DPPA4: variants seen among roughly 807,000 people sequenced by gnomAD.
The protein encoded by DPPA4 is developmental pluripotency associated 4.
DPPA4 carries 22 observed loss-of-function variants against 33.7 expected under a neutral mutation model. The observed-to-expected ratio is 0.65, with a 90% CI of 0.47 to 0.93. DPPA4 has a LOEUF of 0.93. Ranked by LOEUF, DPPA4 falls within the 40% of genes least tolerant of loss-of-function variation. The pLI, the probability that DPPA4 is intolerant of heterozygous loss-of-function variation, is 0.00. For synonymous variants in DPPA4, 156 were observed against 132.3 expected, an observed-to-expected ratio of 1.18 and a Z score of -1.23; for missense variants, 340 against 358.6, an observed-to-expected ratio of 0.95 and a Z score of 0.42.
intron 5 of DPPA4, 170 bp downstream of exon 5, chr3:109,330,354 A>AATAAATGC (rs1708040026): frequency 1.6e-6 from 1 of 631,096 alleles, no homozygotes; most frequent in Non-Finnish European, 2.7e-6. Flanking sequence ...AAGAAATGCA[A>AATAAATGC]ATAAATGCTC....
At chr3:109,328,631 TAC>T (rs1278349949) in intron 6 of DPPA4, among the ~76,000 whole-genome samples, 2 of 152,136 alleles carry the variant, frequency 1.3e-5, no homozygotes, top group Non-Finnish European at 2.9e-5. Context: ...GTGTAGAGCA[TAC>T]ACTTTGAATA....
upstream of DPPA4, among the ~76,000 whole-genome samples, chr3:109,338,361 C>T (rs1263462202): frequency 2.6e-5 from 4 of 152,150 alleles, no homozygotes; most frequent in Admixed American, 6.6e-5. Context: ...AACCCCTAAC[C>T]TACTGACTCC....
Position 109,330,306 on chromosome 3 carries a change from A to C in DPPA4, c.679+218T>G. ...AACAAGGGAGAAACTGTCTCAAAAA[A>C]AAAAAAAAAAAAAAAAAAAAAAAAA... On this transcript the variant is annotated intron_variant, in intron 5 of 6. Transcript: ENST00000335658. 1.5e-4 allele frequency: 3 copies of C among 20,212 alleles called. No homozygotes were observed. The South Asian group carries it at 5.1e-3, about 34-fold the overall frequency. The allele number at this position is 20,212 out of a possible 1,614,324, so 1.3% of individuals were successfully genotyped here. A position where few individuals can be genotyped will look rare whatever the true frequency, so the allele number is the denominator to read the frequency against.
Position 109,326,964 on chromosome 3 carries a change from A to T in DPPA4, c.*1024T>A, listed in dbSNP as rs1428823093. 1 of 152,186 alleles carries T rather than the reference A, an allele frequency of 6.6e-6. No homozygotes were observed. The highest frequency in any genetic ancestry group is 1.5e-5 in the Non-Finnish European group (1 of 68,026). The allele number at this position is 152,186 out of a possible 1,614,324, so 9.4% of individuals were successfully genotyped here. On this transcript the variant is annotated 3_prime_UTR_variant, in exon 7 of 7. Coordinates refer to ENST00000335658, the MANE Select transcript of DPPA4 (RefSeq NM_018189.4). ...ATGAATTATTTTACATACACATCTTATTTTTATTTATGGAGAATCGGTTAA... is the reference window on the plus strand; with the variant it reads ...ATGAATTATTTTACATACACATCTTTTTTTTATTTATGGAGAATCGGTTAA...
rs71129042 is a variant in DPPA4, at chr3:109,330,300, C to CAAAAA, written c.679+219_679+223dup. ...CTGGGCAACAAGGGAGAAACTGTCTCAAAAAAAAAAAAAAAAAAAAAAAAA... is the reference window on the plus strand; with the variant it reads ...CTGGGCAACAAGGGAGAAACTGTCTCAAAAAAAAAAAAAAAAAAAAAAAAAAAAAA... On this transcript the variant is annotated intron_variant, in intron 5 of 6. Transcript: ENST00000335658. The CAAAAA allele has an allele frequency of 1.1e-3, 377 of 348,642 alleles. 1 individual carries two copies. Among genetic ancestry groups the CAAAAA allele is most frequent in the African/African-American group, 4.0e-3 (117 of 29,064 alleles). The allele number at this position is 348,642 out of a possible 1,614,324, so 21.6% of individuals were successfully genotyped here.
rs1277890107 is a variant in DPPA4, at chr3:109,326,585, C to T, written c.*1403G>A. ...ATTTTTAGTATCTTCATTAAACGGG[C>T]AAAAAAAAAGATCCCCTACTTGTAA... is the stretch of plus-strand genomic sequence containing the variant. On this transcript the variant is annotated 3_prime_UTR_variant, in exon 7 of 7. Transcript: ENST00000335658. 6.7e-6 allele frequency: 1 copy of T among 149,134 alleles called. No individual in the cohort carries two copies. Among genetic ancestry groups the T allele is most frequent in the African/African-American group, 2.5e-5 (1 of 40,738 alleles). 9.2% of individuals were successfully genotyped at this position (149,134 alleles called of 1,614,324 possible).
intron 1 of DPPA4, among the ~76,000 whole-genome samples, chr3:109,335,710 G>T (rs1009668653): frequency 2.6e-5 from 4 of 151,984 alleles, no homozygotes; most frequent in African/African-American, 9.7e-5. Context: ...GATTACAGGC[G>T]TGTGCCACTG....
chr3:109,331,815 CAAAT>C, intron 3 of DPPA4, 31 bp from the exon 4 acceptor site: 1 of 1,613,570 alleles, frequency 6.2e-7, no homozygotes, highest in Non-Finnish European at 8.5e-7. Flanking sequence ...GTTAGTAAGG[CAAAT>C]AAGGTTCCTA....
intron 3 of DPPA4, 26 bp from the exon 4 acceptor site, chr3:109,331,810 T>A: frequency 6.2e-7 from 1 of 1,613,586 alleles, no homozygotes; most frequent in African/African-American, 1.3e-5. Flanking sequence ...ACTGAGTTAG[T>A]AAGGCAAATA....
chr3:109,333,116 C>T lies in DPPA4; in HGVS notation c.178+754G>A, dbSNP rs116781916. Among the ~76,000 whole-genome samples, 980 of 152,094 alleles carry T rather than the reference C, an allele frequency of 6.4e-3. 10 individuals carry two copies. The highest frequency in any genetic ancestry group is 0.022 in the African/African-American group (897 of 41,478). On this transcript the variant is annotated intron_variant, in intron 2 of 6. Transcript: ENST00000335658. ...CAGCACTTTAGGAGGCCAAGGCAGA[C>T]GATCACTTGAGGCCAAGAGTTTGCA...
intron 4 of DPPA4, 65 bp from the exon 5 acceptor site, chr3:109,330,877 G>A: frequency 6.9e-7 from 1 of 1,457,678 alleles, no homozygotes; most frequent in Non-Finnish European, 9.2e-7. Flanking sequence ...AATGGCCTAA[G>A]GAGCTCTTGA....
rs142788250 is a variant in DPPA4, at chr3:109,332,585, G to A, written c.179-554C>T. Among the ~76,000 whole-genome samples the A allele has an allele frequency of 2.1e-3, 318 of 152,198 alleles. 2 individuals carry two copies. Among genetic ancestry groups the A allele is most frequent in the African/African-American group, 6.8e-3 (282 of 41,500 alleles). ...CTTCCATCCCAGGGGAATTACCGCT[G>A]TCTTAGACTTGAGATCATACTCAGT... is the stretch of plus-strand genomic sequence containing the variant. On this transcript the variant is annotated intron_variant, in intron 2 of 6. Coordinates refer to ENST00000335658, the MANE Select transcript of DPPA4 (RefSeq NM_018189.4).
upstream of DPPA4, chr3:109,337,676 T>C: frequency 1.5e-6 from 1 of 659,784 alleles, no homozygotes; most frequent in Non-Finnish European, 2.7e-6. Flanking sequence ...GCATTCTTTC[T>C]TATTCATGGG....
In DPPA4 at chr3:109,331,793, A is replaced by G. The variant is rs1231336249; in HGVS notation, c.340-9T>C. 3.7e-6 allele frequency: 6 copies of G among 1,613,496 alleles called. No individual in the cohort carries two copies. Among genetic ancestry groups the G allele is most frequent in the Non-Finnish European group, 5.1e-6 (6 of 1,179,652 alleles). On this transcript the variant is annotated splice_polypyrimidine_tract_variant and intron_variant, in intron 3 of 6. Transcript: ENST00000335658. ...TTATATGCATCCAATTTCTAAGACA[A>G]TAGAAAACTGAGTTAGTAAGGCAAA...
intron 2 of DPPA4, 128 bp from the exon 3 acceptor site, chr3:109,332,159 T>A: frequency 1.2e-6 from 1 of 804,320 alleles, no homozygotes; most frequent in Non-Finnish European, 1.9e-6. Flanking sequence ...TGGAGTGCAG[T>A]GGCGCGATCT....
At chr3:109,333,798 T>A (rs1451407298) in intron 2 of DPPA4, 72 bp downstream of exon 2, 1 of 1,562,978 alleles carries the variant, frequency 6.4e-7, no homozygotes, top group Non-Finnish European at 8.7e-7. Flanking sequence ...CCCTGGTTTT[T>A]CTTCTTCAGA....
At chr3:109,332,103 ACT>A in intron 2 of DPPA4, 72 bp from the exon 3 acceptor site, 1 of 1,384,132 alleles carries the variant, frequency 7.2e-7, no homozygotes, top group Non-Finnish European at 9.8e-7. Context: ...AAGTAAAATC[ACT>A]TTTTTTTTCT....
Position 109,333,882 on chromosome 3 carries a change from TGATA to T in DPPA4, c.162_165del (p.Ile55LysfsTer38), listed in dbSNP as rs759166642. 15 of 1,614,136 alleles carry T rather than the reference TGATA, an allele frequency of 9.3e-6. No individual in the cohort carries two copies. Among genetic ancestry groups the T allele is most frequent in the Non-Finnish European group, 1.3e-5 (15 of 1,179,986 alleles). On this transcript the variant is annotated frameshift_variant, in exon 2 of 7. Coordinates refer to ENST00000335658, the MANE Select transcript of DPPA4 (RefSeq NM_018189.4). LOFTEE classifies it high-confidence loss of function. ...GAAGACCTCTTACCTTTACTGCCTT[TGATA>T]GACATTTTTTCTTTGGTTCTCTTTG...
chr3:109,333,944 T>A lies in DPPA4; in HGVS notation c.104A>T (p.Gln35Leu), dbSNP rs140673990. 134 of 1,614,186 alleles carry A rather than the reference T, an allele frequency of 8.3e-5. No homozygotes were observed. In the African/African-American group the frequency reaches 1.5e-3, roughly 18 times the overall value. ...SREEDQQASN[Q>L]PNSIALPGTS... ...TCCTGGCAAAGCAATTGAATTTGGTTGATTAGAAGCCTGCTGATCCTCTTC... is the reference window on the plus strand; with the variant it reads ...TCCTGGCAAAGCAATTGAATTTGGTAGATTAGAAGCCTGCTGATCCTCTTC... The change falls in exon 2 of 7, where the codon CAA becomes CTA. Residue 35 changes from glutamine (Q) to leucine (L), a missense_variant. Around this residue, in one of 3 missense-constraint regions of DPPA4, gnomAD observed 96 missense variants for 91.8 expected, o/e 1.05. Transcript: ENST00000335658.
Sources: allele counts gnomAD v4.1 joint callset (sites outside exome capture counted in the v4.1 genomes callset), GRCh38; gene constraint gnomAD v4.1.1; regional missense constraint gnomAD v4.1.1; transcripts MANE v1.5; gene names NCBI Gene and HGNC (gene_info 2026-07-23, HGNC 2026-07-21).